Variants in PRKAG2 observed in about 807,000 individuals in gnomAD.
PRKAG2 encodes the protein protein kinase AMP-activated non-catalytic subunit gamma 2, also known as 5'-AMP-activated protein kinase subunit gamma-2.
Under a neutral mutation model 69.6 loss-of-function variants are expected in PRKAG2, and 26 were observed. That is an observed-to-expected ratio of 0.37 (90% CI 0.27 to 0.52). The LOEUF is 0.52. Ranked by LOEUF, PRKAG2 falls within the 20% of genes least tolerant of loss-of-function variation. PRKAG2 has a pLI of 0.90. For synonymous variants in PRKAG2, 293 were observed against 285.0 expected, an observed-to-expected ratio of 1.03 and a Z score of -0.28; for missense variants, 557 against 740.0, an observed-to-expected ratio of 0.75 and a Z score of 2.87.
intron 3 of PRKAG2, among the ~76,000 whole-genome samples, chr7:151,765,264 G>A (rs988024438): frequency 6.6e-6 from 1 of 152,212 alleles, no homozygotes; most frequent in African/African-American, 2.4e-5. Flanking sequence ...GAGGAAGCAG[G>A]CACGTCTTAC....
chr7:151,746,506 G>T (rs1258932505), intron 3 of PRKAG2, among the ~76,000 whole-genome samples: 3 of 152,186 alleles, frequency 2.0e-5, no homozygotes, highest in African/African-American at 4.8e-5. Context: ...GGGTTTCAAG[G>T]TGATTAAATA....
Position 151,831,913 on chromosome 7 carries a change from C to T in PRKAG2, c.114+44594G>A, listed in dbSNP as rs537795400. Among the ~76,000 whole-genome samples the T allele has an allele frequency of 2.2e-3, 333 of 152,222 alleles. 1 individual carries two copies. The highest frequency in any genetic ancestry group is 7.4e-3 in the African/African-American group (307 of 41,534). ...AGAGGACACTTCCCCAGAACCGAGA[C>T]GGGAGAGAGGGGCCAGATCTCAGAG... is the stretch of plus-strand genomic sequence containing the variant. On this transcript the variant is annotated intron_variant, in intron 1 of 15. Transcript: ENST00000287878.
chr7:151,751,264 A>G (rs2074663097), intron 3 of PRKAG2, among the ~76,000 whole-genome samples: 1 of 132,820 alleles, frequency 7.5e-6, no homozygotes, highest in African/African-American at 2.6e-5. Context: ...TGCCAGGCTA[A>G]TTTTTATTTA....
intron 1 of PRKAG2, among the ~76,000 whole-genome samples, chr7:151,816,045 C>G (rs2078628831): frequency 1.3e-5 from 2 of 152,166 alleles, no homozygotes; most frequent in Admixed American, 6.5e-5. Flanking sequence ...TTCAGGAAGG[C>G]TTCCTAGAGG....
rs1206722227 is a variant in PRKAG2 at position 151,615,267 on chromosome 7, C to G, written c.754+16802G>C. 1.3e-5 allele frequency among the ~76,000 whole-genome samples: 2 copies of G among 152,164 alleles called. 1 individual carries two copies. Reference sequence around the variant, plus strand: ...GTATATGTACCACATTTTCTTTATCCAATCCACCACTGATGGGCATTTAGT... The same window carrying G: ...GTATATGTACCACATTTTCTTTATCGAATCCACCACTGATGGGCATTTAGT... On this transcript the variant is annotated intron_variant, in intron 5 of 15. Transcript: ENST00000287878.
In PRKAG2 at chr7:151,807,676, C is replaced by CGT; in HGVS notation, c.115-21137_115-21136dup. On this transcript the variant is annotated intron_variant, in intron 1 of 15. Transcript: ENST00000287878. This position sits in a 1 kb window ranked among gnomAD's most constrained non-coding sequence, Gnocchi z 4.4. Reference sequence around the variant, plus strand: ...GTGCGATGTCCCAAACCTACACAACCGTTTCCACTGCCTATTCCCGGGCCC... The same window carrying CGT: ...GTGCGATGTCCCAAACCTACACAACCGTGTTTCCACTGCCTATTCCCGGGCCC... 1 of 449,068 alleles carries CGT rather than the reference C, an allele frequency of 2.2e-6. No homozygotes were observed. The allele number at this position is 449,068 out of a possible 1,614,324, so 27.8% of individuals were successfully genotyped here.
At chr7:151,724,660 C>T (rs1234960329) in intron 3 of PRKAG2, among the ~76,000 whole-genome samples, 12 of 152,054 alleles carry the variant, frequency 7.9e-5, no homozygotes, top group Non-Finnish European at 7.3e-5. Context: ...TTCAAAGGAC[C>T]CTGTGCTCTC....
intron 3 of PRKAG2, among the ~76,000 whole-genome samples, chr7:151,717,872 T>A (rs1039896994): frequency 2.0e-5 from 3 of 152,232 alleles, no homozygotes; most frequent in African/African-American, 7.2e-5. Context: ...AGAAAGGAGC[T>A]GGCCTTGACC....
At chr7:151,733,889 C>G (rs1799351268) in intron 3 of PRKAG2, among the ~76,000 whole-genome samples, 1 of 151,844 alleles carries the variant, frequency 6.6e-6, no homozygotes, top group Non-Finnish European at 1.5e-5. Context: ...AGAGAGGGGT[C>G]TCATGATGTT....
At chr7:151,558,370 C>T (rs765736950) in intron 15 of PRKAG2, 23 of 985,330 alleles carry the variant, frequency 2.3e-5, no homozygotes, top group East Asian at 1.1e-4. Flanking sequence ...CCGGGCACTG[C>T]GCCTCATTGC....
chr7:151,824,874 C>A (rs577897193), intron 1 of PRKAG2, among the ~76,000 whole-genome samples: 8 of 152,322 alleles, frequency 5.3e-5, no homozygotes, highest in Admixed American at 3.9e-4. Flanking sequence ...TCTTCTGAGT[C>A]TATTCCCTAA....
intron 3 of PRKAG2, among the ~76,000 whole-genome samples, chr7:151,763,422 G>T (rs993084320): frequency 6.6e-6 from 1 of 152,218 alleles, no homozygotes; most frequent in Non-Finnish European, 1.5e-5. Context: ...CACCCTGACC[G>T]CAGGGGTGGG....
At chr7:151,773,027 G>GAAAGAAAGAA (rs1563639348) in intron 3 of PRKAG2, among the ~76,000 whole-genome samples, 28 of 29,020 alleles carry the variant, frequency 9.6e-4, no homozygotes, top group African/African-American at 2.8e-3. Context: ...GAAAGAAAGA[G>GAAAGAAAGAA]AGAGAGAGAG....
intron 8 of PRKAG2, among the ~76,000 whole-genome samples, chr7:151,573,488 C>T (rs1269931160): frequency 6.6e-6 from 1 of 150,580 alleles, no homozygotes; most frequent in African/African-American, 2.4e-5. Flanking sequence ...CCTGTATCTA[C>T]AGATATTAAG....
At chr7:151,563,966 G>C (rs902374894) in intron 14 of PRKAG2, 112 bp downstream of exon 14, 2 of 1,455,370 alleles carry the variant, frequency 1.4e-6, no homozygotes, top group South Asian at 2.3e-5. Flanking sequence ...ACTGAACCTG[G>C]AGGCTGCCTC....
chr7:151,574,766 C>T (rs1197122749), intron 8 of PRKAG2, 125 bp downstream of exon 8: 3 of 1,375,680 alleles, frequency 2.2e-6, no homozygotes, highest in African/African-American at 2.9e-5. Context: ...AAATCACCAT[C>T]AGCACACCAT....
chr7:151,667,070 TCTA>T (rs1320276251), intron 4 of PRKAG2, among the ~76,000 whole-genome samples: 2 of 152,182 alleles, frequency 1.3e-5, no homozygotes, highest in African/African-American at 4.8e-5. Context: ...ACAGCTGTCG[TCTA>T]CTGACTGGCT....
chr7:151,821,169 T>TA (rs2078770335), intron 1 of PRKAG2, among the ~76,000 whole-genome samples: 1 of 142,966 alleles, frequency 7.0e-6, no homozygotes, highest in African/African-American at 2.6e-5. Context: ...AAGAAAGTCT[T>TA]AAAAAATAAC....
At chr7:151,575,304 C>T (rs1008946946) in intron 7 of PRKAG2, among the ~76,000 whole-genome samples, 1 of 152,130 alleles carries the variant, frequency 6.6e-6, no homozygotes, top group Admixed American at 6.5e-5. Context: ...GCTTTAGAAA[C>T]GTGACAATTC....
Sources: allele counts gnomAD v4.1 joint callset (sites outside exome capture counted in the v4.1 genomes callset), GRCh38; gene constraint gnomAD v4.1.1; non-coding constraint Gnocchi (gnomAD v3.1); transcripts MANE v1.5; gene names NCBI Gene and HGNC (gene_info 2026-07-23, HGNC 2026-07-21).